Variants in RPS6KC1 observed in about 807,000 individuals in gnomAD.
RPS6KC1 encodes the protein inactive ribosomal protein S6 kinase delta-1.
RPS6KC1 carries 54 observed loss-of-function variants against 103.8 expected under a neutral mutation model. The observed-to-expected ratio is 0.52, with a 90% CI of 0.42 to 0.65. The LOEUF is 0.65. RPS6KC1 is among the 30% of genes least tolerant of loss of function. The pLI is 0.00. For missense variants in RPS6KC1, 1,151 were observed against 1,253.8 expected (o/e 0.92, Z 1.24); for synonymous variants, 439 against 438.7 (o/e 1.00, Z -0.01).
the RPS6KC1 span, among the ~76,000 whole-genome samples, chr1:213,661,869 A>G: frequency 5.0e-4 from 76 of 152,368 alleles, no homozygotes; most frequent in Non-Finnish European, 7.3e-4. Context: ...GGTTAGAAGG[A>G]TCACAACTTG....
intron 12 of RPS6KC1, among the ~76,000 whole-genome samples, chr1:213,243,110 C>T (rs1180981847): frequency 6.6e-6 from 1 of 151,946 alleles, no homozygotes; most frequent in Non-Finnish European, 1.5e-5. Context: ...AGTCCTGTTG[C>T]CTCAGCTTCT....
chr1:213,326,312 C>T, the RPS6KC1 span, among the ~76,000 whole-genome samples: 3 of 152,190 alleles, frequency 2.0e-5, 1 homozygote, highest in African/African-American at 7.2e-5. Flanking sequence ...ATAAACAGCA[C>T]TTTTTTCTAC....
At chr1:213,359,803 C>T in the RPS6KC1 span, among the ~76,000 whole-genome samples, 1 of 152,114 alleles carries the variant, frequency 6.6e-6, no homozygotes, top group Admixed American at 6.5e-5. Context: ...TTTTATTTCT[C>T]CTTCACTTAT....
At chr1:213,421,536 A>C in the RPS6KC1 span, among the ~76,000 whole-genome samples, 1 of 152,216 alleles carries the variant, frequency 6.6e-6, no homozygotes, top group East Asian at 1.9e-4. Flanking sequence ...AGTGAGAAAA[A>C]CATGGGTTTG....
chr1:213,713,241 A>C, the RPS6KC1 span, among the ~76,000 whole-genome samples: 2 of 152,016 alleles, frequency 1.3e-5, no homozygotes, highest in African/African-American at 4.8e-5. Context: ...GCCATTTTTG[A>C]TGTATAAAAG....
the RPS6KC1 span, among the ~76,000 whole-genome samples, chr1:213,399,583 GCTT>G: frequency 2.0e-5 from 3 of 152,056 alleles, no homozygotes; most frequent in Admixed American, 6.5e-5. Flanking sequence ...TACACTGAGA[GCTT>G]CTTCTTAAAA....
At chr1:213,393,260 G>T in the RPS6KC1 span, among the ~76,000 whole-genome samples, 2 of 152,172 alleles carry the variant, frequency 1.3e-5, no homozygotes, top group Non-Finnish European at 2.9e-5. Context: ...GGCTGACATT[G>T]CATACTTCAC....
At chr1:213,843,317 CA>C in the RPS6KC1 span, among the ~76,000 whole-genome samples, 1 of 152,180 alleles carries the variant, frequency 6.6e-6, no homozygotes, top group African/African-American at 2.4e-5. Flanking sequence ...ACAGCCTAGC[CA>C]AAGGTGACAC....
At chr1:213,601,117 T>A in the RPS6KC1 span, among the ~76,000 whole-genome samples, 1 of 152,118 alleles carries the variant, frequency 6.6e-6, no homozygotes, top group Non-Finnish European at 1.5e-5. Flanking sequence ...GGTGAAAAAA[T>A]TTGATAAAAC....
the RPS6KC1 span, among the ~76,000 whole-genome samples, chr1:213,661,114 C>T: frequency 6.6e-6 from 1 of 152,184 alleles, no homozygotes; most frequent in Non-Finnish European, 1.5e-5. Context: ...TCGCAGCCTT[C>T]AGACCCCAGA....
chr1:213,349,140 A>G, the RPS6KC1 span, among the ~76,000 whole-genome samples: 2 of 152,180 alleles, frequency 1.3e-5, no homozygotes, highest in African/African-American at 4.8e-5. Context: ...TTATTTATTT[A>G]TATATTTTTA....
chr1:213,372,026 C>T, the RPS6KC1 span, among the ~76,000 whole-genome samples: 4 of 152,234 alleles, frequency 2.6e-5, no homozygotes, highest in Non-Finnish European at 4.4e-5. Flanking sequence ...ATCACTTCAC[C>T]TCTTCCTTAC....
the RPS6KC1 span, among the ~76,000 whole-genome samples, chr1:213,288,617 T>C: frequency 0.98 from 149,836 of 152,328 alleles, 73,749 homozygotes; most frequent in East Asian, 1. Flanking sequence ...TAAACTTCGA[T>C]TTGGCTTGTG....
intron 12 of RPS6KC1, among the ~76,000 whole-genome samples, chr1:213,258,131 G>C (rs937928065): frequency 2.6e-5 from 4 of 152,046 alleles, no homozygotes; most frequent in Admixed American, 6.5e-5. Flanking sequence ...ACAGATGCGC[G>C]CCACTACGCT....
In RPS6KC1 at chr1:213,125,039, C is replaced by A. The variant is rs117763747; in HGVS notation, c.473-4488C>A. ...TCACAAATGATGCCTGTATAACTTT[C>A]TTTTACTCAGATAAATTCCCAATAT... On this transcript the variant is annotated intron_variant, in intron 5 of 14. Transcript: ENST00000366960. Among the ~76,000 whole-genome samples the A allele has an allele frequency of 9.2e-3, 1,406 of 152,190 alleles. 47 individuals are homozygous for A. Among genetic ancestry groups the A allele is most frequent in the East Asian group, 0.07 (361 of 5,188 alleles).
chr1:213,251,132 AG>A (rs1268991165), intron 12 of RPS6KC1, among the ~76,000 whole-genome samples: 5 of 124,230 alleles, frequency 4.0e-5, no homozygotes, highest in South Asian at 5.2e-4. Flanking sequence ...TTTGAGACAG[AG>A]TCTTGCTCTG....
the RPS6KC1 span, among the ~76,000 whole-genome samples, chr1:213,483,453 T>C: frequency 1.3e-5 from 2 of 152,212 alleles, no homozygotes; most frequent in Non-Finnish European, 2.9e-5. Flanking sequence ...TTGGACATAA[T>C]AAAAATGCTA....
At chr1:213,795,973 T>C in the RPS6KC1 span, among the ~76,000 whole-genome samples, 1 of 152,152 alleles carries the variant, frequency 6.6e-6, no homozygotes, top group African/African-American at 2.4e-5. Context: ...GGCAGTGACT[T>C]TGGTCTCTGG....
chr1:213,329,547 G>A, the RPS6KC1 span, among the ~76,000 whole-genome samples: 5 of 151,348 alleles, frequency 3.3e-5, no homozygotes, highest in East Asian at 1.9e-4. Flanking sequence ...TCTGTAGCCC[G>A]TCCAGAGGCA....
Sources: gnomAD v4.1 joint callset for allele counts (sites outside exome capture counted in the v4.1 genomes callset) on GRCh38, gnomAD v4.1.1 for gene constraint, MANE v1.5 for transcripts, NCBI Gene and HGNC (gene_info 2026-07-23, HGNC 2026-07-21) for gene names.